The following HOMER1 variants were observed in gnomAD, a reference collection of about 807,000 sequenced individuals.
HOMER1 encodes homer protein homolog 1.
In HOMER1, 3 loss-of-function variants were observed where a neutral mutation model predicts 48.9. The observed-to-expected ratio is 0.06, with a 90% CI of 0.03 to 0.16. The LOEUF (loss-of-function observed/expected upper bound fraction) is 0.16, where lower values mean the gene tolerates loss of function less well. HOMER1 is among the 10% of genes least tolerant of loss of function. The pLI is 1.00. For missense variants in HOMER1, 247 were observed against 411.4 expected (o/e 0.60, Z 3.46); for synonymous variants, 134 against 146.4 (o/e 0.92, Z 0.61).
chr5:79,496,663 T>A (rs1752428996), intron 1 of HOMER1, among the ~76,000 whole-genome samples: 2 of 152,290 alleles, frequency 1.3e-5, no homozygotes, highest in South Asian at 2.1e-4. Context: ...CACCTTTTTA[T>A]TATCATACAC....
chr5:79,456,796 T>C (rs1326727523), intron 2 of HOMER1, 66 bp downstream of exon 2: 4 of 1,386,700 alleles, frequency 2.9e-6, no homozygotes, highest in African/African-American at 2.9e-5. Flanking sequence ...ATGTTCTGAA[T>C]AGAACTAAAA....
intron 1 of HOMER1, among the ~76,000 whole-genome samples, chr5:79,471,775 T>C (rs1337682190): frequency 1.3e-5 from 2 of 152,166 alleles, no homozygotes; most frequent in Non-Finnish European, 2.9e-5. Context: ...CATTTGTCCC[T>C]TGCCCTCTTT....
At chr5:79,415,207 C>T (rs1749910855) in intron 5 of HOMER1, among the ~76,000 whole-genome samples, 2 of 151,756 alleles carry the variant, frequency 1.3e-5, no homozygotes, top group African/African-American at 2.4e-5. Flanking sequence ...ACAAGTGCCA[C>T]CACGCCTGGC....
At chr5:79,454,378 T>C (rs1285185392) in intron 2 of HOMER1, among the ~76,000 whole-genome samples, 1 of 151,932 alleles carries the variant, frequency 6.6e-6, no homozygotes, top group Admixed American at 6.6e-5. Context: ...TCCTTTCTAA[T>C]AAAGGAGGCA....
intron 8 of HOMER1, among the ~76,000 whole-genome samples, chr5:79,396,499 A>G (rs1749388175): frequency 6.6e-6 from 1 of 151,888 alleles, no homozygotes; most frequent in Non-Finnish European, 1.5e-5. Context: ...CCTCCTCCTC[A>G]GCATCCCAAA....
chr5:79,376,979 T>C (rs950051136), intron 8 of HOMER1, among the ~76,000 whole-genome samples: 2 of 152,214 alleles, frequency 1.3e-5, no homozygotes, highest in African/African-American at 2.4e-5. Context: ...TTGTTTCTTT[T>C]CTTTGAGACA....
chr5:79,421,383 C>T (rs1750094913), intron 5 of HOMER1, among the ~76,000 whole-genome samples: 1 of 152,166 alleles, frequency 6.6e-6, no homozygotes, highest in Admixed American at 6.5e-5. Flanking sequence ...CTTTAGCCAG[C>T]TACTTGGTAA....
intron 8 of HOMER1, among the ~76,000 whole-genome samples, chr5:79,392,650 G>C (rs1296136266): frequency 6.6e-6 from 1 of 152,076 alleles, no homozygotes; most frequent in Non-Finnish European, 1.5e-5. Flanking sequence ...AATAAATGTA[G>C]TGTAGTCTAA....
intron 1 of HOMER1, among the ~76,000 whole-genome samples, chr5:79,485,709 G>C (rs80250647): frequency 2.0e-3 from 298 of 152,268 alleles, no homozygotes; most frequent in African/African-American, 7.0e-3. Flanking sequence ...AAAGGCAATG[G>C]AAAAAGAGGG....
At chr5:79,502,729 T>G (rs572790184) in intron 1 of HOMER1, among the ~76,000 whole-genome samples, 24 of 152,204 alleles carry the variant, frequency 1.6e-4, no homozygotes, top group Non-Finnish European at 3.1e-4. Context: ...GAATATACAG[T>G]TAACCCTTGA....
intron 8 of HOMER1, among the ~76,000 whole-genome samples, chr5:79,379,237 ATATAT>A (rs1333214643): frequency 4.4e-5 from 3 of 68,940 alleles, no homozygotes; most frequent in African/African-American, 1.8e-4. Flanking sequence ...AATATATATT[ATATAT>A]TATATATATC....
chr5:79,498,349 T>C (rs1752483319), intron 1 of HOMER1, among the ~76,000 whole-genome samples: 1 of 152,094 alleles, frequency 6.6e-6, no homozygotes, highest in East Asian at 1.9e-4. Context: ...TGAGCTGAGA[T>C]TGCACCATTG....
rs1752983502 is a variant in HOMER1 at position 79,513,006 on chromosome 5, A to G, written c.-232T>C. 1.7e-6 allele frequency: 1 copy of G among 581,410 alleles called. No homozygotes were observed. The highest frequency in any genetic ancestry group is 3.2e-5 in the Admixed American group (1 of 31,134). The allele number at this position is 581,410 out of a possible 1,614,324, so 36.0% of individuals were successfully genotyped here. On this transcript the variant is annotated 5_prime_UTR_variant, in exon 1 of 9. Transcript: ENST00000334082. ...GAGGCGGCATTTGCTTATTCGAGTT[A>G]AAATGCTTTGCGGAGGAGACAGCGA...
At chr5:79,387,062 CCTTT>C (rs756771864) in intron 8 of HOMER1, among the ~76,000 whole-genome samples, 2 of 110,610 alleles carry the variant, frequency 1.8e-5, no homozygotes, top group Admixed American at 9.8e-5. Flanking sequence ...CTTCCTCTTT[CCTTT>C]CTTTCTCTAT....
chr5:79,390,912 A>T (rs1204102759), intron 8 of HOMER1, among the ~76,000 whole-genome samples: 9 of 152,256 alleles, frequency 5.9e-5, no homozygotes, highest in Middle Eastern at 3.4e-3. Flanking sequence ...TAAATATCAG[A>T]ATCTATGGGA....
chr5:79,477,217 G>C (rs1019724887), intron 1 of HOMER1, among the ~76,000 whole-genome samples: 4 of 152,150 alleles, frequency 2.6e-5, no homozygotes, highest in Non-Finnish European at 5.9e-5. Flanking sequence ...GTAATTTTTC[G>C]TATTTCTAGG....
Position 79,436,863 on chromosome 5 carries a change from C to G in HOMER1, c.527+2147G>C, listed in dbSNP as rs144252832. Among the ~76,000 whole-genome samples the G allele has an allele frequency of 8.3e-4, 126 of 152,272 alleles. 2 individuals are homozygous for G. Among genetic ancestry groups the G allele is most frequent in the African/African-American group, 3.0e-3 (124 of 41,550 alleles). On this transcript the variant is annotated intron_variant, in intron 5 of 8. Coordinates refer to ENST00000334082, the MANE Select transcript of HOMER1 (RefSeq NM_004272.5). Reference sequence around the variant, plus strand: ...AATACTGATTAATGTAAAATCAAAACAAGTTCAGAGAATGTCTTAAAAAAA... The same window carrying G: ...AATACTGATTAATGTAAAATCAAAAGAAGTTCAGAGAATGTCTTAAAAAAA...
chr5:79,380,226 A>G (rs1748930990), intron 8 of HOMER1, among the ~76,000 whole-genome samples: 1 of 152,164 alleles, frequency 6.6e-6, no homozygotes, highest in African/African-American at 2.4e-5. Flanking sequence ...TCTCACAGGC[A>G]CTGGAAACTA....
intron 5 of HOMER1, among the ~76,000 whole-genome samples, chr5:79,422,235 T>TA (rs879563017): frequency 0.039 from 5,496 of 142,544 alleles, 300 homozygotes; most frequent in African/African-American, 0.13. Flanking sequence ...TCAAAAAAAT[T>TA]AAAAAAAAAA....
Sources: allele counts gnomAD v4.1 joint callset (sites outside exome capture counted in the v4.1 genomes callset), GRCh38; gene constraint gnomAD v4.1.1; transcripts MANE v1.5; gene names NCBI Gene and HGNC (gene_info 2026-07-23, HGNC 2026-07-21).